ZNF276: variants seen among roughly 807,000 people sequenced by gnomAD.
ZNF276 encodes the protein centromere protein Z.
ZNF276 carries 59 observed loss-of-function variants against 63.9 expected under a neutral mutation model. The ratio of observed to expected loss-of-function variants is 0.92; its 90% CI spans 0.75 to 1.15. The LOEUF is 1.15. ZNF276 is among the 50% of genes most tolerant of loss of function. The pLI is 0.00. For missense variants in ZNF276, 1,084 were observed against 843.8 expected (o/e 1.28, Z -3.53); for synonymous variants, 496 against 348.4 (o/e 1.42, Z -4.72).
intron 6 of ZNF276, chr16:89,731,679 C>T (rs1000531473): frequency 1.1e-4 from 17 of 152,270 alleles, no homozygotes; most frequent in African/African-American, 4.1e-4. Context: ...TCACCTCAGC[C>T]TCCCAGGGTG....
upstream of ZNF276, chr16:89,720,743 C>T (rs773699966): frequency 6.3e-6 from 9 of 1,432,508 alleles, no homozygotes; most frequent in South Asian, 9.8e-5. Flanking sequence ...CGGCCAAGCC[C>T]CGCCCCCGCC....
chr16:89,721,384 CAG>C, upstream of ZNF276: 1 of 372,610 alleles, frequency 2.7e-6, no homozygotes, highest in East Asian at 4.4e-5. Flanking sequence ...CCATTGGCGA[CAG>C]AGGCGGGCAC....
intron 9 of ZNF276, among the ~76,000 whole-genome samples, chr16:89,736,525 A>G (rs879778860): frequency 6.6e-6 from 1 of 150,948 alleles, no homozygotes; most frequent in Non-Finnish European, 1.5e-5. Flanking sequence ...GGGTTTTACC[A>G]TATTGATTGG....
rs2151654898 is a variant in ZNF276, at chr16:89,721,828, A to G, written c.188A>G (p.Asp63Gly). ...GGGTCCTGCGGGGACGCGGGCGAGGACGGCGCGGACGAGGCAGGTGGGTCC... is the reference window on the plus strand; with the variant it reads ...GGGTCCTGCGGGGACGCGGGCGAGGGCGGCGCGGACGAGGCAGGTGGGTCC... Reference protein sequence around the residue: ...PVGSCGDAGEDGADEAGAGRA... With the variant: ...PVGSCGDAGEGGADEAGAGRA... Residue 63 changes from aspartate to glycine, a missense_variant, in exon 1 of 11, where the codon GAC (aspartate) becomes GGC (glycine). Physicochemically the swap from Asp to Gly is moderately conservative, Grantham distance 94. Transcript: ENST00000443381. 2 of 1,220,220 alleles carry G rather than the reference A, an allele frequency of 1.6e-6. No homozygotes were observed. Among genetic ancestry groups the G allele is most frequent in the East Asian group, 3.3e-5 (1 of 29,960 alleles). 75.6% of individuals were successfully genotyped at this position (1,220,220 alleles called of 1,614,324 possible).
rs538229436 is a variant in ZNF276, at chr16:89,740,783, G to A, written c.*2537G>A. ...GGCCCACAGTGGGAGAGGACACCTT[G>A]GCTGGTAAGGTCTGACTTACATTTG... On this transcript the variant is annotated 3_prime_UTR_variant, in exon 11 of 11. Transcript: ENST00000443381. 26 of 1,610,734 alleles carry A rather than the reference G, an allele frequency of 1.6e-5. No individual in the cohort carries two copies. Among genetic ancestry groups the A allele is most frequent in the South Asian group, 6.6e-5 (6 of 90,702 alleles).
chr16:89,739,127 A>G lies in ZNF276; in HGVS notation c.*881A>G, dbSNP rs1425600223. On this transcript the variant is annotated 3_prime_UTR_variant, in exon 11 of 11. Coordinates refer to ENST00000443381, the MANE Select transcript of ZNF276 (RefSeq NM_001113525.2). ...CCCTGGAGGTGGGACTGGCCCTTGC[A>G]CCTGCCTGACCCTTGAGCTCCAGGC... The G allele has an allele frequency of 6.2e-7, 1 of 1,614,084 alleles. No individual in the cohort carries two copies.
Position 89,733,558 on chromosome 16 carries a change from G to GTGA in ZNF276, c.1356+2_1356+4dup. 6.2e-7 allele frequency: 1 copy of GTGA among 1,613,850 alleles called. No individual in the cohort carries two copies. The highest frequency in any genetic ancestry group is 8.5e-7 in the Non-Finnish European group (1 of 1,180,034). The stretch of plus-strand genomic sequence containing the variant: ...GTACCGAGGCGCTGACGGCATGAAG[G>GTGA]TGAGCACTGGCTGTGCCTGACCCAG... On this transcript the variant is annotated splice_donor_variant, in intron 8 of 10. Transcript: ENST00000443381. LOFTEE classifies it high-confidence loss of function.
Position 89,739,163 on chromosome 16 carries a change from T to C in ZNF276, c.*917T>C, listed in dbSNP as rs1172262659. ...CCTTGAGCTCCAGGCTCCTGCCAGC[T>C]GGAGGTGAAACTGTGCTTGTATCCC... On this transcript the variant is annotated 3_prime_UTR_variant, in exon 11 of 11. Transcript: ENST00000443381. 1 of 1,614,166 alleles carries C rather than the reference T, an allele frequency of 6.2e-7. No homozygotes were observed. Among genetic ancestry groups the C allele is most frequent in the Non-Finnish European group, 8.5e-7 (1 of 1,180,040 alleles).
chr16:89,722,113 G>GC (rs886672212), intron 1 of ZNF276, among the ~76,000 whole-genome samples: 1 of 152,124 alleles, frequency 6.6e-6, no homozygotes, highest in African/African-American at 2.4e-5. Flanking sequence ...CGGGCAGGTC[G>GC]CCCTGGGGTG....
At position 89,739,653 on chromosome 16, in the gene ZNF276, T is replaced by G. The variant is rs980325952; in HGVS notation, c.*1407T>G. The G allele has an allele frequency of 2.6e-6, 4 of 1,510,126 alleles. No homozygotes were observed. Among genetic ancestry groups the G allele is most frequent in the Non-Finnish European group, 1.8e-6 (2 of 1,112,612 alleles). 93.5% of individuals were successfully genotyped at this position (1,510,126 alleles called of 1,614,324 possible). On this transcript the variant is annotated 3_prime_UTR_variant, in exon 11 of 11. Coordinates refer to ENST00000443381, the MANE Select transcript of ZNF276 (RefSeq NM_001113525.2). ...GTCGGGACGTGTACCCTGGGAGGCCTGGCTGTGGGGATAGTGTGGGGCGAA... is the reference window on the plus strand; with the variant it reads ...GTCGGGACGTGTACCCTGGGAGGCCGGGCTGTGGGGATAGTGTGGGGCGAA...
chr16:89,729,486 G>T (rs1042295547), intron 6 of ZNF276, among the ~76,000 whole-genome samples, 168 bp downstream of exon 6: 1 of 151,578 alleles, frequency 6.6e-6, no homozygotes. Flanking sequence ...CGGGGGAGGG[G>T]CAGGCGGGCA....
At chr16:89,723,217 G>C in intron 3 of ZNF276, 34 bp downstream of exon 3, 1 of 1,613,140 alleles carries the variant, frequency 6.2e-7, no homozygotes, top group Non-Finnish European at 8.5e-7. Context: ...TGGGCTGGGT[G>C]CCGACCAGCC....
chr16:89,734,548 A>G (rs1005138687), intron 9 of ZNF276, among the ~76,000 whole-genome samples: 4 of 152,084 alleles, frequency 2.6e-5, no homozygotes, highest in African/African-American at 9.7e-5. Context: ...GGTGATCTCT[A>G]ACTCCTGACC....
intron 4 of ZNF276, among the ~76,000 whole-genome samples, chr16:89,725,434 G>C (rs1210942642): frequency 1.3e-5 from 2 of 151,976 alleles, no homozygotes; most frequent in Non-Finnish European, 2.9e-5. Context: ...ACCTGCATCA[G>C]CCTCCCAGAA....
chr16:89,737,887 C>G lies in ZNF276; in HGVS notation c.1556C>G (p.Ser519Trp), dbSNP rs1337613881. The G allele has an allele frequency of 1.9e-6, 3 of 1,612,958 alleles. No individual in the cohort carries two copies. Among genetic ancestry groups the G allele is most frequent in the Admixed American group, 1.7e-5 (1 of 59,882 alleles). Reference sequence around the variant, plus strand: ...CTTCTCGTCCACCAAATGCGACATTCGGGAGCCAAGCCTTTGCAGTAAGTG... The same window carrying G: ...CTTCTCGTCCACCAAATGCGACATTGGGGAGCCAAGCCTTTGCAGTAAGTG... ...KHLLVHQMRHSGAKPLQCEVC... is the reference protein window; with the variant it reads ...KHLLVHQMRHWGAKPLQCEVC... The change falls in exon 10 of 11, where the codon TCG (serine) becomes TGG (tryptophan). Residue 519 changes from serine (S) to tryptophan (W), a missense_variant. Ser to Trp is a radical substitution (Grantham distance 177). Coordinates refer to ENST00000443381, the MANE Select transcript of ZNF276 (RefSeq NM_001113525.2).
Position 89,723,193 on chromosome 16 carries a change from C to T in ZNF276, c.556+10C>T, listed in dbSNP as rs769917232. ...GAGGGAGCGTGTCTGGGTGAGTCCT[C>T]CCCCGGTGGAGGGTGGGCTGGGTGC... On this transcript the variant is annotated intron_variant, in intron 3 of 10. Coordinates refer to ENST00000443381, the MANE Select transcript of ZNF276 (RefSeq NM_001113525.2). 7.8e-5 allele frequency: 126 copies of T among 1,613,094 alleles called. 1 individual carries two copies. The highest frequency in any genetic ancestry group is 1.2e-5 in the Non-Finnish European group (14 of 1,180,036).
chr16:89,729,663 C>A (rs1230713822), intron 6 of ZNF276, among the ~76,000 whole-genome samples: 1 of 152,124 alleles, frequency 6.6e-6, no homozygotes, highest in African/African-American at 2.4e-5. Flanking sequence ...GCCCTGGGTT[C>A]ACACCCCAGT....
upstream of ZNF276, chr16:89,720,745 GC>G (rs770298464): frequency 4.9e-6 from 7 of 1,431,424 alleles, no homozygotes; most frequent in Non-Finnish European, 4.6e-6. Flanking sequence ...GCCAAGCCCC[GC>G]CCCCGCCCCG....
In ZNF276 at chr16:89,721,540, C is replaced by T; in HGVS notation, c.-101C>T. ...CTTCTCGCTCCGCCCCTCCCCCGCC[C>T]CGCCTCGCTTCCAGCGCGCCGAGCG... On this transcript the variant is annotated 5_prime_UTR_variant, in exon 1 of 11. Coordinates refer to ENST00000443381, the MANE Select transcript of ZNF276 (RefSeq NM_001113525.2). The T allele has an allele frequency of 8.1e-7, 1 of 1,239,222 alleles. No individual in the cohort carries two copies. The highest frequency in any genetic ancestry group is 1.1e-6 in the Non-Finnish European group (1 of 929,276). 76.8% of individuals were successfully genotyped at this position (1,239,222 alleles called of 1,614,324 possible).
Sources: allele counts gnomAD v4.1 joint callset (sites outside exome capture counted in the v4.1 genomes callset), GRCh38; gene constraint gnomAD v4.1.1; transcripts MANE v1.5; gene names NCBI Gene and HGNC (gene_info 2026-07-23, HGNC 2026-07-21).